The following EEPD1 variants were observed in gnomAD, a reference collection of about 807,000 sequenced individuals.
EEPD1 encodes the protein endonuclease/exonuclease/phosphatase family domain containing 1.
In EEPD1, 17 loss-of-function variants were observed where a neutral mutation model predicts 46.3. The ratio of observed to expected loss-of-function variants is 0.37; its 90% CI spans 0.25 to 0.55. The LOEUF (loss-of-function observed/expected upper bound fraction) is 0.55. EEPD1 is among the 20% of genes least tolerant of loss of function. EEPD1 has a pLI of 0.83. For missense variants in EEPD1, 673 were observed against 745.6 expected (o/e 0.90, Z 1.13); for synonymous variants, 313 against 315.6 (o/e 0.99, Z 0.09).
chr7:36,272,495 T>A (rs1303061227), intron 3 of EEPD1, among the ~76,000 whole-genome samples: 3 of 60,956 alleles, frequency 4.9e-5, no homozygotes, highest in African/African-American at 1.8e-4. Flanking sequence ...TTTTTCTGGT[T>A]TTTTGTTGTT....
At chr7:36,156,055 C>T (rs1029454009) in intron 2 of EEPD1, among the ~76,000 whole-genome samples, 1 of 152,178 alleles carries the variant, frequency 6.6e-6, no homozygotes, top group African/African-American at 2.4e-5. Context: ...TTGTGATGGT[C>T]CCTTCCAGGT....
At chr7:36,277,616 G>A (rs1381122108) in intron 3 of EEPD1, among the ~76,000 whole-genome samples, 1 of 152,120 alleles carries the variant, frequency 6.6e-6, no homozygotes, top group Admixed American at 6.5e-5. Flanking sequence ...ACCTCCTTAG[G>A]TTTTCTGTGA....
intron 6 of EEPD1, among the ~76,000 whole-genome samples, chr7:36,295,148 G>A (rs1230799437): frequency 6.6e-6 from 1 of 150,872 alleles, no homozygotes; most frequent in Non-Finnish European, 1.5e-5. Flanking sequence ...CTGCACTCCA[G>A]CCTGGGTGAC....
At chr7:36,162,699 A>G (rs558444750) in intron 2 of EEPD1, among the ~76,000 whole-genome samples, 2 of 152,226 alleles carry the variant, frequency 1.3e-5, no homozygotes, top group Middle Eastern at 3.4e-3. Flanking sequence ...ACTGACTACA[A>G]TTCCCCAACT....
intron 2 of EEPD1, among the ~76,000 whole-genome samples, chr7:36,216,339 AAAC>A (rs150988761): frequency 0.016 from 2,510 of 152,276 alleles, 64 homozygotes; most frequent in African/African-American, 0.058. Flanking sequence ...GGTTCTGAGG[AAAC>A]AATTGGCAAT....
chr7:36,234,214 C>T (rs1325362121), intron 2 of EEPD1, among the ~76,000 whole-genome samples: 3 of 152,068 alleles, frequency 2.0e-5, no homozygotes, highest in African/African-American at 4.8e-5. Flanking sequence ...CCACTGTGCC[C>T]GGCCTGATTT....
rs145629515 is a variant in EEPD1 at position 36,227,308 on chromosome 7, C to T, written c.879-11677C>T. The stretch of plus-strand genomic sequence containing the variant: ...TTGCAGACTAATTCTTTCAAACCCG[C>T]TAAGAACAGTTACTGCCCAAGCTAA... On this transcript the variant is annotated intron_variant, in intron 2 of 7. Coordinates refer to ENST00000242108, the MANE Select transcript of EEPD1 (RefSeq NM_030636.3). Among the ~76,000 whole-genome samples, 958 of 152,336 alleles carry T rather than the reference C, an allele frequency of 6.3e-3. 5 individuals carry two copies. The highest frequency in any genetic ancestry group is 0.022 in the African/African-American group (897 of 41,580).
chr7:36,199,403 G>C (rs180828822), intron 2 of EEPD1, among the ~76,000 whole-genome samples: 5 of 152,270 alleles, frequency 3.3e-5, no homozygotes, highest in African/African-American at 9.6e-5. Flanking sequence ...TATTGGCATG[G>C]CCTGAGAAGT....
chr7:36,156,601 G>A (rs1784828974), intron 2 of EEPD1, among the ~76,000 whole-genome samples: 1 of 152,176 alleles, frequency 6.6e-6, no homozygotes, highest in Admixed American at 6.5e-5. Context: ...GCTTTCTAGT[G>A]GCTCAATTTG....
chr7:36,171,644 A>G (rs749331058), intron 2 of EEPD1, among the ~76,000 whole-genome samples: 1 of 152,194 alleles, frequency 6.6e-6, no homozygotes, highest in African/African-American at 2.4e-5. Flanking sequence ...AAATATACCC[A>G]TCTTTCAAAA....
chr7:36,207,069 C>A (rs541062274), intron 2 of EEPD1, among the ~76,000 whole-genome samples: 9 of 151,966 alleles, frequency 5.9e-5, no homozygotes, highest in Admixed American at 2.0e-4. Context: ...ACAAAAACAA[C>A]AACAAAAAAA....
At chr7:36,233,801 A>G (rs1786378319) in intron 2 of EEPD1, among the ~76,000 whole-genome samples, 1 of 152,230 alleles carries the variant, frequency 6.6e-6, no homozygotes, top group Admixed American at 6.5e-5. Flanking sequence ...CCTGCCTAAG[A>G]GATGGAACAA....
chr7:36,259,655 A>G (rs1786887699), intron 3 of EEPD1, among the ~76,000 whole-genome samples: 1 of 151,722 alleles, frequency 6.6e-6, no homozygotes, highest in Non-Finnish European at 1.5e-5. Flanking sequence ...AATTACAGGC[A>G]CACACCACCA....
intron 2 of EEPD1, among the ~76,000 whole-genome samples, chr7:36,236,808 C>A (rs965532249): frequency 1.3e-5 from 2 of 152,176 alleles, no homozygotes; most frequent in Non-Finnish European, 2.9e-5. Flanking sequence ...TCTGTCAAGA[C>A]GGATCAATCA....
At chr7:36,274,437 T>C (rs1420233758) in intron 3 of EEPD1, among the ~76,000 whole-genome samples, 1 of 152,198 alleles carries the variant, frequency 6.6e-6, no homozygotes, top group African/African-American at 2.4e-5. Context: ...CTAGAAAAAC[T>C]TTGTAGTAGG....
At chr7:36,214,398 C>A (rs958385294) in intron 2 of EEPD1, among the ~76,000 whole-genome samples, 2 of 152,168 alleles carry the variant, frequency 1.3e-5, no homozygotes, top group African/African-American at 4.8e-5. Flanking sequence ...CATCTTGCAC[C>A]CCCACAAAGC....
chr7:36,169,918 A>G (rs1785046903), intron 2 of EEPD1, among the ~76,000 whole-genome samples: 1 of 152,244 alleles, frequency 6.6e-6, no homozygotes, highest in African/African-American at 2.4e-5. Flanking sequence ...ATCAAAAGCC[A>G]AAATATAATG....
At chr7:36,235,210 C>A (rs1316675340) in intron 2 of EEPD1, among the ~76,000 whole-genome samples, 1 of 151,410 alleles carries the variant, frequency 6.6e-6, no homozygotes, top group Admixed American at 6.6e-5. Flanking sequence ...CAGGCCTTCC[C>A]CACAGCCTCC....
intron 3 of EEPD1, among the ~76,000 whole-genome samples, chr7:36,269,470 A>G (rs1787070126): frequency 6.6e-6 from 1 of 152,158 alleles, no homozygotes; most frequent in Non-Finnish European, 1.5e-5. Context: ...CCTGGGCAAC[A>G]TAGCAAGACC....
Sources: allele counts gnomAD v4.1 joint callset (sites outside exome capture counted in the v4.1 genomes callset), GRCh38; gene constraint gnomAD v4.1.1; transcripts MANE v1.5; gene names NCBI Gene and HGNC (gene_info 2026-07-23, HGNC 2026-07-21).